Variants in LDLRAD4 observed in about 807,000 individuals in gnomAD.
LDLRAD4 encodes the protein low-density lipoprotein receptor class A domain-containing protein 4.
A neutral mutation model predicts 17.0 loss-of-function variants in LDLRAD4; 5 were observed. The ratio of observed to expected loss-of-function variants is 0.29; its 90% CI spans 0.15 to 0.62. The LOEUF (loss-of-function observed/expected upper bound fraction) is 0.62, where lower values mean the gene tolerates loss of function less well. Ranked by LOEUF, LDLRAD4 falls within the 20% of genes least tolerant of loss-of-function variation. The pLI, the probability that LDLRAD4 is intolerant of heterozygous loss-of-function variation, is 0.84. For missense variants in LDLRAD4, 340 were observed against 424.7 expected (o/e 0.80, Z 1.75); for synonymous variants, 168 against 171.8 (o/e 0.98, Z 0.17).
At chr18:13,463,926 TTA>T (rs1182912673) in intron 3 of LDLRAD4, among the ~76,000 whole-genome samples, 1 of 152,250 alleles carries the variant, frequency 6.6e-6, no homozygotes, top group Non-Finnish European at 1.5e-5. Flanking sequence ...TTTCTGCCTC[TTA>T]TATGTGGAGA....
rs549290033 is a variant in LDLRAD4 at position 13,355,868 on chromosome 18, T to C, written c.-382-31473T>C. Among the ~76,000 whole-genome samples the C allele has an allele frequency of 7.9e-5, 12 of 152,310 alleles. 1 individual carries two copies. In the South Asian group the frequency reaches 2.5e-3, roughly 32 times the overall value. ...CTGGTCTTGAACTCCTGGCCTCAAG[T>C]GATCCTCCCACCCTGGCCTCCCAAA... is the stretch of plus-strand genomic sequence containing the variant. On this transcript the variant is annotated intron_variant, in intron 1 of 5. Transcript: ENST00000359446.
chr18:13,324,947 A>G (rs74602723), intron 1 of LDLRAD4, among the ~76,000 whole-genome samples: 2,392 of 152,292 alleles, frequency 0.016, 74 homozygotes, highest in African/African-American at 0.055. Flanking sequence ...AGGGACGTCA[A>G]TTACGCATGC....
rs117064264 is a variant in LDLRAD4, at chr18:13,295,905, A to G, written c.-383+17717A>G. On this transcript the variant is annotated intron_variant, in intron 1 of 5. Coordinates refer to ENST00000359446, the Ensembl canonical transcript of LDLRAD4. ...GTGTGCTGAGGAAGGCAGAATTTGT[A>G]AAGTTGGAGCTTTGGGACTCCCAAG... Among the ~76,000 whole-genome samples, 66 of 152,330 alleles carry G rather than the reference A, an allele frequency of 4.3e-4. No homozygotes were observed. In the East Asian group the frequency reaches 8.7e-3, roughly 20 times the overall value.
At chr18:13,418,951 A>G (rs1177173804) in intron 2 of LDLRAD4, among the ~76,000 whole-genome samples, 1 of 152,216 alleles carries the variant, frequency 6.6e-6, no homozygotes, top group Non-Finnish European at 1.5e-5. Context: ...AGATGATTGA[A>G]TTTAGTGGTG....
chr18:13,408,577 A>G (rs1000493886), intron 2 of LDLRAD4, among the ~76,000 whole-genome samples: 4 of 151,842 alleles, frequency 2.6e-5, no homozygotes, highest in Admixed American at 1.3e-4. Flanking sequence ...GGTTCAAGCA[A>G]TTCTCCTGCC....
rs549160161 is a variant in LDLRAD4 at position 13,254,767 on chromosome 18, A to G, written c.-466-23338A>G. On this transcript the variant is annotated intron_variant, in intron 1 of 5. Transcript: ENST00000399848. Reference sequence around the variant, plus strand: ...CATTTGAGCCCAAGAGTTTGAGACTAGACTGGGAAACGTAGGGAAACTGTT... The same window carrying G: ...CATTTGAGCCCAAGAGTTTGAGACTGGACTGGGAAACGTAGGGAAACTGTT... Among the ~76,000 whole-genome samples, 3 of 152,316 alleles carry G rather than the reference A, an allele frequency of 2.0e-5. No homozygotes were observed. The South Asian group carries it at 6.2e-4, about 32-fold the overall frequency.
At chr18:13,641,080 G>A (rs1380930258) in intron 4 of LDLRAD4, among the ~76,000 whole-genome samples, 1 of 152,176 alleles carries the variant, frequency 6.6e-6, no homozygotes, top group East Asian at 1.9e-4. Flanking sequence ...ACATATAGAG[G>A]AAAAGATGAG....
chr18:13,541,949 G>C (rs1346831657), intron 3 of LDLRAD4, among the ~76,000 whole-genome samples: 1 of 152,136 alleles, frequency 6.6e-6, no homozygotes, highest in Admixed American at 6.5e-5. Flanking sequence ...GGTGGTACAT[G>C]TCTATGGTCC....
At chr18:13,418,962 G>A (rs1403440439) in intron 2 of LDLRAD4, among the ~76,000 whole-genome samples, 1 of 152,156 alleles carries the variant, frequency 6.6e-6, no homozygotes, top group Non-Finnish European at 1.5e-5. Context: ...TTTAGTGGTG[G>A]CTTGATTCTA....
chr18:13,604,079 C>G (rs1220235542), intron 3 of LDLRAD4, among the ~76,000 whole-genome samples: 1 of 152,204 alleles, frequency 6.6e-6, no homozygotes, highest in African/African-American at 2.4e-5. Flanking sequence ...TTATATAGGT[C>G]TGATGTCAAG....
At chr18:13,377,816 C>T (rs1238522706) in intron 1 of LDLRAD4, among the ~76,000 whole-genome samples, 2 of 152,208 alleles carry the variant, frequency 1.3e-5, no homozygotes, top group African/African-American at 4.8e-5. Context: ...CTCGCAGGCC[C>T]ATCCCAGACA....
intron 3 of LDLRAD4, among the ~76,000 whole-genome samples, chr18:13,603,750 G>T (rs1455170139): frequency 6.6e-6 from 1 of 152,204 alleles, no homozygotes; most frequent in Non-Finnish European, 1.5e-5. Flanking sequence ...CCCACTCCAC[G>T]CTGAGCACGC....
At chr18:13,253,671 C>T (rs899343143) in intron 1 of LDLRAD4, among the ~76,000 whole-genome samples, 5 of 152,104 alleles carry the variant, frequency 3.3e-5, no homozygotes, top group East Asian at 1.9e-4. Context: ...GAGTGGAATT[C>T]GGAATAATTT....
intron 3 of LDLRAD4, among the ~76,000 whole-genome samples, chr18:13,496,549 C>T (rs2093473667): frequency 1.3e-5 from 2 of 152,338 alleles, no homozygotes; most frequent in African/African-American, 2.4e-5. Context: ...GATCGAAATT[C>T]AGCCTTTAAA....
intron 1 of LDLRAD4, among the ~76,000 whole-genome samples, chr18:13,243,658 A>G (rs895111826): frequency 1.4e-5 from 2 of 146,268 alleles, no homozygotes; most frequent in Admixed American, 1.4e-4. Flanking sequence ...CGATTTACCC[A>G]TCCATCCGTC....
intron 1 of LDLRAD4, among the ~76,000 whole-genome samples, chr18:13,360,408 G>A (rs753113558): frequency 1.3e-5 from 2 of 152,222 alleles, no homozygotes; most frequent in Non-Finnish European, 2.9e-5. Flanking sequence ...CGCAGCCAGC[G>A]AGGATAAAGC....
chr18:13,383,825 C>G (rs907663469), intron 1 of LDLRAD4, among the ~76,000 whole-genome samples: 1 of 152,186 alleles, frequency 6.6e-6, no homozygotes, highest in African/African-American at 2.4e-5. Flanking sequence ...CACAGTCTTT[C>G]ACTGAGCAGA....
chr18:13,383,973 T>G (rs2085591439), intron 1 of LDLRAD4, among the ~76,000 whole-genome samples: 2 of 152,194 alleles, frequency 1.3e-5, no homozygotes, highest in South Asian at 4.1e-4. Flanking sequence ...TCAGAGTGTA[T>G]ATAGGAATAG....
intron 1 of LDLRAD4, among the ~76,000 whole-genome samples, chr18:13,236,626 T>C (rs924849794): frequency 4.6e-5 from 7 of 152,076 alleles, no homozygotes; most frequent in Admixed American, 2.0e-4. Context: ...TAGAAAAACA[T>C]GTTAAACTCC....
Sources: allele counts gnomAD v4.1 joint callset (sites outside exome capture counted in the v4.1 genomes callset), GRCh38; gene constraint gnomAD v4.1.1; transcripts MANE v1.5; gene names NCBI Gene and HGNC (gene_info 2026-07-23, HGNC 2026-07-21).